Variants in ATP2B2 observed in about 807,000 individuals in gnomAD.
ATP2B2 encodes plasma membrane calcium-transporting ATPase 2.
Under a neutral mutation model 120.0 loss-of-function variants are expected in ATP2B2, and 15 were observed. The observed-to-expected ratio is 0.12, with a 90% CI of 0.08 to 0.19. The LOEUF (loss-of-function observed/expected upper bound fraction) is 0.19, where lower values mean the gene tolerates loss of function less well. Ranked by LOEUF, ATP2B2 falls within the 10% of genes least tolerant of loss-of-function variation. The probability of loss-of-function intolerance (pLI) is 1.00; values close to 1 mark genes in which losing one functional copy is unlikely to be tolerated. For synonymous variants in ATP2B2, 694 were observed against 700.3 expected (o/e 0.99, Z 0.14); for missense variants, 1,045 against 1,719.8 (o/e 0.61, Z 6.94).
At chr3:10,358,641 G>C (rs1232962987) in intron 14 of ATP2B2, 50 bp downstream of exon 14, 1 of 1,588,106 alleles carries the variant, frequency 6.3e-7, no homozygotes, top group South Asian at 1.1e-5. Context: ...CTGGTGGCTG[G>C]CCTCCCAGCC....
chr3:10,614,535 C>T (rs1488222433), intron 2 of ATP2B2, among the ~76,000 whole-genome samples: 2 of 152,206 alleles, frequency 1.3e-5, no homozygotes, highest in Non-Finnish European at 2.9e-5. Context: ...AACATAGAAA[C>T]ACAAATGAGA....
intron 2 of ATP2B2, among the ~76,000 whole-genome samples, chr3:10,588,302 G>A (rs1002509491): frequency 6.6e-6 from 1 of 152,180 alleles, no homozygotes; most frequent in Admixed American, 6.5e-5. Context: ...GGGTAAGGGT[G>A]GGCAAAAGTC....
rs143304473 is a variant in ATP2B2 at position 10,372,041 on chromosome 3, T to C, written c.1427A>G (p.Lys476Arg). The stretch of plus-strand genomic sequence containing the variant: ...CAGGTGGCGTACCAGGTTGTTGTCC[T>C]TCATCATTTTCTGGGAGAAGGGGCA... Reference protein sequence around the residue: ...SLAYSVKKMMKDNNLVRHLDA... With the variant: ...SLAYSVKKMMRDNNLVRHLDA... The change falls in exon 12 of 23, where the codon AAG becomes AGG. Residue 476 changes from lysine to arginine, a missense_variant. By Grantham distance (26) the Lys-to-Arg change is conservative. Around this residue, in one of 11 missense-constraint regions of ATP2B2, gnomAD observed 343 missense variants for 536.8 expected, o/e 0.64. Transcript: ENST00000360273. 71 of 1,614,166 alleles carry C rather than the reference T, an allele frequency of 4.4e-5. No individual in the cohort carries two copies. The African/African-American group carries it at 8.3e-4, about 19-fold the overall frequency.
chr3:10,606,450 G>T (rs898315495), intron 2 of ATP2B2, among the ~76,000 whole-genome samples: 1 of 152,126 alleles, frequency 6.6e-6, no homozygotes, highest in Non-Finnish European at 1.5e-5. Context: ...CCCTGACCAG[G>T]GGGGTGGAGT....
intron 1 of ATP2B2, among the ~76,000 whole-genome samples, chr3:10,639,419 G>T (rs2070111022): frequency 6.6e-6 from 1 of 152,188 alleles, no homozygotes; most frequent in African/African-American, 2.4e-5. Context: ...TTTGGAGTCT[G>T]GAGAGGGCCT....
At chr3:10,600,205 T>A (rs2068870403) in intron 2 of ATP2B2, among the ~76,000 whole-genome samples, 1 of 152,228 alleles carries the variant, frequency 6.6e-6, no homozygotes, top group Admixed American at 6.5e-5. Flanking sequence ...AATATCTTTC[T>A]CTTGGCCTAG....
At chr3:10,663,263 C>G (rs1284384688) in intron 1 of ATP2B2, among the ~76,000 whole-genome samples, 1 of 151,858 alleles carries the variant, frequency 6.6e-6, no homozygotes, top group Non-Finnish European at 1.5e-5. Flanking sequence ...AAGAAAGTGG[C>G]TGAAACTTCC....
chr3:10,468,275 G>A (rs2064837033), intron 1 of ATP2B2, among the ~76,000 whole-genome samples: 1 of 152,246 alleles, frequency 6.6e-6, no homozygotes, highest in South Asian at 2.1e-4. Context: ...GCGAGGCCAG[G>A]GCCCTTAGTG....
Position 10,387,795 on chromosome 3 carries a change from T to C in ATP2B2, c.907+482A>G, listed in dbSNP as rs541751055. On this transcript the variant is annotated intron_variant, in intron 6 of 22. Coordinates refer to ENST00000360273, the MANE Select transcript of ATP2B2 (RefSeq NM_001001331.4). The stretch of plus-strand genomic sequence containing the variant: ...GGAGAGTAAACTCATAATGGTTGAT[T>C]TGGAGCCATGCATCTGGCTACCTTT... 3.0e-5 allele frequency: 7 copies of C among 232,400 alleles called. No homozygotes were observed. In the Admixed American group the frequency reaches 3.0e-4, roughly 10 times the overall value. 14.4% of individuals were successfully genotyped at this position (232,400 alleles called of 1,614,324 possible). A position where few individuals can be genotyped will look rare whatever the true frequency, so the allele number is the denominator to read the frequency against.
chr3:10,482,716 C>T (rs188195070), intron 1 of ATP2B2, among the ~76,000 whole-genome samples: 1 of 152,256 alleles, frequency 6.6e-6, no homozygotes, highest in Non-Finnish European at 1.5e-5. Flanking sequence ...TGGGCCCCAC[C>T]TGAGCCTTCT....
chr3:10,670,836 A>G (rs570493246), intron 1 of ATP2B2, among the ~76,000 whole-genome samples: 1 of 152,354 alleles, frequency 6.6e-6, no homozygotes, highest in East Asian at 1.9e-4. Context: ...GCCAGAACAG[A>G]AATAAATCTA....
Position 10,375,745 on chromosome 3 carries a change from C to T in ATP2B2, c.1202-101G>A. 9.9e-7 allele frequency: 1 copy of T among 1,013,338 alleles called. No individual in the cohort carries two copies. Among genetic ancestry groups the T allele is most frequent in the Non-Finnish European group, 1.5e-6 (1 of 658,190 alleles). The allele number at this position is 1,013,338 out of a possible 1,614,324, so 62.8% of individuals were successfully genotyped here. On this transcript the variant is annotated intron_variant, in intron 10 of 22. Transcript: ENST00000360273. This position sits in a 1 kb window ranked among gnomAD's most constrained non-coding sequence, Gnocchi z 4.2. ...TGAAAGAGCTCCGGGTCAGGCTGAC[C>T]CCAGCTCACCTCCCAGCTCTGCCAC...
At chr3:10,658,017 C>G (rs2070682218) in intron 1 of ATP2B2, among the ~76,000 whole-genome samples, 1 of 152,226 alleles carries the variant, frequency 6.6e-6, no homozygotes, top group Non-Finnish European at 1.5e-5. Flanking sequence ...CAAACTCCAA[C>G]AGACCTGCAG....
At chr3:10,610,136 C>T in intron 2 of ATP2B2, among the ~76,000 whole-genome samples, 1 of 111,468 alleles carries the variant, frequency 9.0e-6, no homozygotes, top group Non-Finnish European at 1.7e-5. Flanking sequence ...TATATATATA[C>T]ATGTATATAT....
At chr3:10,662,322 A>G (rs2070805809) in intron 1 of ATP2B2, among the ~76,000 whole-genome samples, 1 of 151,940 alleles carries the variant, frequency 6.6e-6, no homozygotes, top group South Asian at 2.1e-4. Flanking sequence ...GAATGGGAAA[A>G]AATTTTTGCA....
At chr3:10,377,490 G>A (rs1355988416) in intron 10 of ATP2B2, among the ~76,000 whole-genome samples, 2 of 152,230 alleles carry the variant, frequency 1.3e-5, no homozygotes, top group African/African-American at 4.8e-5. Flanking sequence ...GGAAGGCCTT[G>A]GCATTTGCTA....
chr3:10,337,761 C>G (rs1402035600), intron 22 of ATP2B2, among the ~76,000 whole-genome samples: 3 of 152,038 alleles, frequency 2.0e-5, no homozygotes, highest in African/African-American at 7.2e-5. Flanking sequence ...GACCACCACG[C>G]CCTGGGGGAC....
At chr3:10,358,543 C>A in intron 14 of ATP2B2, 148 bp downstream of exon 14, 1 of 848,596 alleles carries the variant, frequency 1.2e-6, no homozygotes, top group South Asian at 1.5e-5. Context: ...ATGGGCAATC[C>A]TCTTATGAGG....
At chr3:10,428,287 A>G (rs1195172387) in intron 2 of ATP2B2, among the ~76,000 whole-genome samples, 1 of 152,248 alleles carries the variant, frequency 6.6e-6, no homozygotes, top group Admixed American at 6.5e-5. Flanking sequence ...CATGTGGTAG[A>G]AGGGTGAGCC....
Sources: gnomAD v4.1 joint callset for allele counts (sites outside exome capture counted in the v4.1 genomes callset) on GRCh38, gnomAD v4.1.1 for gene constraint, gnomAD v4.1.1 regional missense constraint, Gnocchi (gnomAD v3.1) non-coding constraint, MANE v1.5 for transcripts, NCBI Gene and HGNC (gene_info 2026-07-23, HGNC 2026-07-21) for gene names.